Variants in RINT1 observed in about 807,000 individuals in gnomAD.
The protein encoded by RINT1 is RAD50 interactor 1, also known as RAD50-interacting protein 1.
Under a neutral mutation model 97.7 loss-of-function variants are expected in RINT1, and 75 were observed. That is an observed-to-expected ratio of 0.77 (90% confidence interval 0.64 to 0.93). The LOEUF (loss-of-function observed/expected upper bound fraction) is 0.93. RINT1 is among the 40% of genes least tolerant of loss of function. RINT1 has a pLI of 0.00. For missense variants in RINT1, 892 were observed against 925.2 expected, an observed-to-expected ratio of 0.96 and a Z score of 0.47; for synonymous variants, 303 against 326.3, an observed-to-expected ratio of 0.93 and a Z score of 0.77.
intron 3 of RINT1, among the ~76,000 whole-genome samples, chr7:105,539,332 G>A (rs549950338): frequency 6.7e-6 from 1 of 148,358 alleles, no homozygotes; most frequent in Non-Finnish European, 1.5e-5. Flanking sequence ...AACATCTCTG[G>A]TATCCATCCC....
rs767516791 is a variant in RINT1 at position 105,565,627 on chromosome 7, G to A, written c.2165G>A (p.Arg722Lys). ...LFPLFSHYCK[R>K]PENYFKHIKE... ...CCTTTGTTTTCTCACTATTGCAAGA[G>A]ACCAGAAAATTATTTTAAACAGTAA... The change falls in exon 14 of 15, where the codon AGA becomes AAA. Residue 722 changes from arginine (R) to lysine (K), a missense_variant. By Grantham distance (26) the Arg-to-Lys change is conservative. Transcript: ENST00000257700. 2.2e-5 allele frequency: 36 copies of A among 1,607,908 alleles called. No individual in the cohort carries two copies. The Admixed American group carries it at 6.0e-4, about 27-fold the overall frequency.
At chr7:105,560,796 C>T (rs774176928) in intron 11 of RINT1, among the ~76,000 whole-genome samples, 4 of 151,990 alleles carry the variant, frequency 2.6e-5, no homozygotes, top group South Asian at 2.1e-4. Context: ...TCTTGGCTCA[C>T]GGCAACTTCT....
chr7:105,559,671 A>G (rs2689976), intron 11 of RINT1, among the ~76,000 whole-genome samples: 35,457 of 152,012 alleles, frequency 0.23, 5,020 homozygotes, highest in African/African-American at 0.39. Context: ...AGTGAGCCAA[A>G]ATTGCGCCGT....
rs555629392 is a variant in RINT1 at position 105,549,952 on chromosome 7, A to G, written c.997-103A>G. On this transcript the variant is annotated intron_variant, in intron 7 of 14. Transcript: ENST00000257700. ...CTCTTACATACAGGAATTTTCAACT[A>G]ATTTTTATAAGTGTTGTGCATATAC... The G allele has an allele frequency of 3.3e-5, 23 of 691,588 alleles. No individual in the cohort carries two copies. In the African/African-American group the frequency reaches 4.1e-4, roughly 12 times the overall value. 42.8% of individuals were successfully genotyped at this position (691,588 alleles called of 1,614,324 possible). A position where few individuals can be genotyped will look rare whatever the true frequency, so the allele number is the denominator to read the frequency against.
intron 11 of RINT1, among the ~76,000 whole-genome samples, chr7:105,556,581 A>G (rs982869806): frequency 6.6e-6 from 1 of 152,120 alleles, no homozygotes; most frequent in Non-Finnish European, 1.5e-5. Context: ...ATTGGAAGGT[A>G]TATTTTAAAT....
Position 105,542,607 on chromosome 7 carries a change from A to G in RINT1, c.473A>G (p.His158Arg). 1 of 1,614,062 alleles carries G rather than the reference A, an allele frequency of 6.2e-7. No individual in the cohort carries two copies. Among genetic ancestry groups the G allele is most frequent in the Non-Finnish European group, 8.5e-7 (1 of 1,179,990 alleles). The change falls in exon 4 of 15, where the codon CAT (histidine) becomes CGT (arginine). Residue 158 changes from histidine to arginine, a missense_variant. By Grantham distance (29) the His-to-Arg change is conservative. Coordinates refer to ENST00000257700, the MANE Select transcript of RINT1 (RefSeq NM_021930.6). ...AGCCAGATTGAAGAGATCGAACGTC[A>G]TCTTGCTTACCTTAAATGGATTTCA... ...MISQIEEIER[H>R]LAYLKWISQI...
At position 105,546,973 on chromosome 7, in the gene RINT1, T is replaced by C. The variant is rs1790693439; in HGVS notation, c.579T>C (p.Ser193=). ...CGGAGGCAGCCTCCACTCTAGTGTC[T>C]ATGGCAGAACTTGACATTAAACTTC... ...NVPEAASTLV[S]MAELDIKLQE... Residue 193 remains serine (S), a synonymous_variant, in exon 5 of 15, where the codon TCT becomes TCC. Coordinates refer to ENST00000257700, the MANE Select transcript of RINT1 (RefSeq NM_021930.6). 3 of 1,613,994 alleles carry C rather than the reference T, an allele frequency of 1.9e-6. No homozygotes were observed. The South Asian group carries it at 3.3e-5, about 18-fold the overall frequency.
intron 10 of RINT1, among the ~76,000 whole-genome samples, chr7:105,554,206 T>C (rs1791072450): frequency 3.4e-5 from 5 of 145,710 alleles, no homozygotes; most frequent in Admixed American, 3.4e-4. Context: ...CGAATTTTTT[T>C]GTATTTCTAG....
Position 105,532,377 on chromosome 7 carries a change from C to A in RINT1, c.42+20C>A. The A allele has an allele frequency of 6.3e-7, 1 of 1,597,700 alleles. No homozygotes were observed. The highest frequency in any genetic ancestry group is 1.1e-5 in the South Asian group (1 of 88,662). On this transcript the variant is annotated intron_variant, in intron 1 of 14. Coordinates refer to ENST00000257700, the MANE Select transcript of RINT1 (RefSeq NM_021930.6). ...GCCCCGGTGAGACGGCCCTGGCGTC[C>A]CTGGGAGGGGACATTGGTGGCCCAT...
rs2133407190 is a variant in RINT1, at chr7:105,551,596, C to T, written c.1360C>T (p.Leu454Phe). 6.2e-7 allele frequency: 1 copy of T among 1,606,416 alleles called. No individual in the cohort carries two copies. Among genetic ancestry groups the T allele is most frequent in the South Asian group, 1.1e-5 (1 of 89,614 alleles). The change falls in exon 10 of 15, where the codon CTT (leucine) becomes TTT (phenylalanine). Residue 454 changes from leucine to phenylalanine, a missense_variant. Transcript: ENST00000257700. ...TGCTCTTCAAAAAATGGACTCAATG[C>T]TTTCCTCAGAAGCTGCCTGGGTATC... ...KFALQKMDSM[L>F]SSEAAWVSQY...
At chr7:105,553,456 C>A (rs1353473322) in intron 10 of RINT1, among the ~76,000 whole-genome samples, 1 of 150,290 alleles carries the variant, frequency 6.7e-6, no homozygotes, top group Non-Finnish European at 1.5e-5. Flanking sequence ...CACGGTGGCT[C>A]ACACCTGTAA....
chr7:105,567,029 G>A, intron 14 of RINT1, 90 bp from the exon 15 acceptor site: 2 of 724,668 alleles, frequency 2.8e-6, no homozygotes, highest in Non-Finnish European at 4.3e-6. Context: ...GACCAGCAGT[G>A]CAGAGAAGCT....
chr7:105,548,175 G>A (rs1282595356), intron 6 of RINT1, among the ~76,000 whole-genome samples: 2 of 151,990 alleles, frequency 1.3e-5, no homozygotes, highest in South Asian at 2.1e-4. Context: ...CTACAGGCAC[G>A]TGCCACCATG....
rs1790935805 is a variant in RINT1 at position 105,551,708 on chromosome 7, G to T, written c.1471+1G>T. ...ATGACTCTACTCTTGGTTATAACTG[G>T]TAAGTATGTCTTTTAAGATATGACT... On this transcript the variant is annotated splice_donor_variant, in intron 10 of 14. Coordinates refer to ENST00000257700, the MANE Select transcript of RINT1 (RefSeq NM_021930.6). LOFTEE classifies it high-confidence loss of function. The T allele has an allele frequency of 6.3e-7, 1 of 1,587,772 alleles. No individual in the cohort carries two copies. Among genetic ancestry groups the T allele is most frequent in the East Asian group, 2.3e-5 (1 of 44,352 alleles).
At chr7:105,533,072 G>A (rs772111602) in intron 2 of RINT1, among the ~76,000 whole-genome samples, 7 of 152,206 alleles carry the variant, frequency 4.6e-5, no homozygotes, top group Non-Finnish European at 7.3e-5. Flanking sequence ...TTGGAGAAGA[G>A]CACTTCCCGA....
chr7:105,535,841 T>C (rs1790209812), intron 2 of RINT1: 1 of 221,538 alleles, frequency 4.5e-6, no homozygotes, highest in African/African-American at 2.3e-5. Flanking sequence ...CCCGGTCTTT[T>C]TAAAAACACT....
intron 7 of RINT1, 119 bp from the exon 8 acceptor site, chr7:105,549,936 A>G: frequency 1.6e-6 from 1 of 622,724 alleles, no homozygotes; most frequent in Non-Finnish European, 2.8e-6. Context: ...GCTCTTACAT[A>G]CAGGAATTTT....
chr7:105,567,052 C>G, intron 14 of RINT1, 67 bp from the exon 15 acceptor site: 1 of 1,046,044 alleles, frequency 9.6e-7, no homozygotes, highest in Non-Finnish European at 1.3e-6. Context: ...TTAGGATTCT[C>G]AAAATTGTAA....
chr7:105,541,402 G>T (rs903043908), intron 3 of RINT1, among the ~76,000 whole-genome samples: 7 of 151,886 alleles, frequency 4.6e-5, no homozygotes, highest in South Asian at 2.1e-4. Context: ...CTCCCAAACT[G>T]CTGGGATTAC....
Sources: allele counts gnomAD v4.1 joint callset (sites outside exome capture counted in the v4.1 genomes callset), GRCh38; gene constraint gnomAD v4.1.1; transcripts MANE v1.5; gene names NCBI Gene and HGNC (gene_info 2026-07-23, HGNC 2026-07-21).